ARHGEF12: variants seen among roughly 807,000 people sequenced by gnomAD.
The protein encoded by ARHGEF12 is Rho guanine nucleotide exchange factor 12.
Under a neutral mutation model 211.2 loss-of-function variants are expected in ARHGEF12, and 66 were observed. The ratio of observed to expected loss-of-function variants is 0.31; its 90% CI spans 0.26 to 0.38. The LOEUF (loss-of-function observed/expected upper bound fraction) is 0.38. ARHGEF12 is among the 10% of genes least tolerant of loss of function. The pLI, the probability that ARHGEF12 is intolerant of heterozygous loss-of-function variation, is 1.00. For synonymous variants in ARHGEF12, 592 were observed against 638.4 expected (o/e 0.93, Z 1.09); for missense variants, 1,429 against 1,869.5 (o/e 0.76, Z 4.34).
chr11:120,337,191 G>A lies in ARHGEF12; in HGVS notation c.-53G>A. 6.2e-7 allele frequency: 1 copy of A among 1,611,670 alleles called. No homozygotes were observed. Among genetic ancestry groups the A allele is most frequent in the Non-Finnish European group, 8.5e-7 (1 of 1,177,752 alleles). ...AGAGCACTGGGGGTGGGGAGGAGGT[G>A]TTACTGTAAAATGCAAGTTGGATAA... On this transcript the variant is annotated 5_prime_UTR_variant, in exon 1 of 41. Coordinates refer to ENST00000397843, the MANE Select transcript of ARHGEF12 (RefSeq NM_015313.3).
At chr11:120,413,144 T>G (rs1944936713) in intron 4 of ARHGEF12, among the ~76,000 whole-genome samples, 1 of 152,222 alleles carries the variant, frequency 6.6e-6, no homozygotes, top group Non-Finnish European at 1.5e-5. Context: ...TTGTTTCCAA[T>G]TTATTCTACT....
At chr11:120,391,828 G>A (rs1045577835) in intron 1 of ARHGEF12, among the ~76,000 whole-genome samples, 36 of 152,076 alleles carry the variant, frequency 2.4e-4, no homozygotes, top group African/African-American at 8.5e-4. Flanking sequence ...AAGATAATGT[G>A]AAATTCTTGC....
At chr11:120,394,744 A>G (rs1331805512) in intron 1 of ARHGEF12, among the ~76,000 whole-genome samples, 2 of 152,072 alleles carry the variant, frequency 1.3e-5, no homozygotes, top group African/African-American at 4.8e-5. Flanking sequence ...ACATCATTAC[A>G]GATTCTTCAG....
intron 39 of ARHGEF12, among the ~76,000 whole-genome samples, chr11:120,484,205 T>C (rs566809880): frequency 6.6e-6 from 1 of 152,358 alleles, no homozygotes; most frequent in African/African-American, 2.4e-5. Context: ...ACCTCTACTT[T>C]CTTTTTACAT....
At chr11:120,407,953 T>C (rs1327263866) in intron 3 of ARHGEF12, 130 bp downstream of exon 3, 3 of 712,420 alleles carry the variant, frequency 4.2e-6, no homozygotes, top group Non-Finnish European at 6.8e-6. Context: ...CCTCCAATTA[T>C]ATCATAATAA....
chr11:120,437,409 G>A (rs764421978), intron 12 of ARHGEF12, 27 bp downstream of exon 12: 2 of 1,576,644 alleles, frequency 1.3e-6, no homozygotes, highest in Admixed American at 3.4e-5. Context: ...TGCAATGATA[G>A]TGCTGTCTTT....
At chr11:120,464,619 A>C (rs940800167) in intron 27 of ARHGEF12, 1 of 152,032 alleles carries the variant, frequency 6.6e-6, no homozygotes, top group Non-Finnish European at 1.5e-5. Flanking sequence ...GTCTTCAGGC[A>C]TTTTGTATCT....
intron 1 of ARHGEF12, among the ~76,000 whole-genome samples, chr11:120,372,862 A>G (rs1056521424): frequency 6.6e-6 from 1 of 152,138 alleles, no homozygotes; most frequent in Non-Finnish European, 1.5e-5. Context: ...GAAGTTTTTA[A>G]AAATTATCAA....
In ARHGEF12 at chr11:120,478,148, T is replaced by C. The variant is rs763187347; in HGVS notation, c.3533-8T>C. On this transcript the variant is annotated splice_region_variant and splice_polypyrimidine_tract_variant and intron_variant, in intron 36 of 40. Coordinates refer to ENST00000397843, the MANE Select transcript of ARHGEF12 (RefSeq NM_015313.3). Reference sequence around the variant, plus strand: ...GATATAGTCTACCTTTTCTATTCCATTGGACAGACAGAGATTTGGGATTAG... The same window carrying C: ...GATATAGTCTACCTTTTCTATTCCACTGGACAGACAGAGATTTGGGATTAG... The C allele has an allele frequency of 3.8e-6, 6 of 1,594,744 alleles. No homozygotes were observed. Among genetic ancestry groups the C allele is most frequent in the East Asian group, 2.2e-5 (1 of 44,734 alleles).
intron 22 of ARHGEF12, among the ~76,000 whole-genome samples, chr11:120,452,634 T>C (rs1032525364): frequency 7.2e-5 from 11 of 152,146 alleles, no homozygotes; most frequent in African/African-American, 2.4e-4. Context: ...TGCTAGATGA[T>C]TGATATGAGG....
intron 11 of ARHGEF12, among the ~76,000 whole-genome samples, chr11:120,433,230 G>T (rs7131597): frequency 0.46 from 70,416 of 151,898 alleles, 17,285 homozygotes; most frequent in African/African-American, 0.63. Flanking sequence ...ACCAGTAATC[G>T]AAATATAAAC....
intron 4 of ARHGEF12, among the ~76,000 whole-genome samples, chr11:120,414,098 C>T (rs577124713): frequency 4.0e-5 from 6 of 151,706 alleles, no homozygotes; most frequent in Non-Finnish European, 7.4e-5. Context: ...ATTGTAATAA[C>T]AGAAAAAATA....
chr11:120,403,284 A>G (rs993365427), intron 1 of ARHGEF12, among the ~76,000 whole-genome samples: 7 of 152,206 alleles, frequency 4.6e-5, no homozygotes, highest in African/African-American at 1.7e-4. Context: ...AGGCAGGCTG[A>G]TCACTTGAGG....
intron 7 of ARHGEF12, among the ~76,000 whole-genome samples, chr11:120,427,774 A>G (rs1238647317): frequency 6.6e-6 from 1 of 152,116 alleles, no homozygotes; most frequent in Non-Finnish European, 1.5e-5. Flanking sequence ...AAGAAAATAT[A>G]TAATATATTC....
chr11:120,420,974 C>A, intron 5 of ARHGEF12, 123 bp downstream of exon 5: 1 of 780,320 alleles, frequency 1.3e-6, no homozygotes, highest in Non-Finnish European at 2.0e-6. Flanking sequence ...GACTATTGTG[C>A]TAGATTCGTC....
intron 2 of ARHGEF12, among the ~76,000 whole-genome samples, chr11:120,407,485 A>C (rs1392511831): frequency 6.6e-6 from 1 of 152,218 alleles, no homozygotes; most frequent in Admixed American, 6.5e-5. Flanking sequence ...AAATGTAAGC[A>C]GTTACTTCTG....
chr11:120,488,411 A>G lies in ARHGEF12; in HGVS notation c.*3334A>G, dbSNP rs921787692. Reference sequence around the variant, plus strand: ...CCTCACAGTCAGCTTCCTCATGGCTAGTTTTTCCCCCTTATATTACAATTT... The same window carrying G: ...CCTCACAGTCAGCTTCCTCATGGCTGGTTTTTCCCCCTTATATTACAATTT... On this transcript the variant is annotated 3_prime_UTR_variant, in exon 41 of 41. Coordinates refer to ENST00000397843, the MANE Select transcript of ARHGEF12 (RefSeq NM_015313.3). 8.8e-5 allele frequency: 19 copies of G among 216,074 alleles called. No individual in the cohort carries two copies. Among genetic ancestry groups the G allele is most frequent in the African/African-American group, 3.4e-4 (15 of 44,356 alleles). The allele number at this position is 216,074 out of a possible 1,614,324, so 13.4% of individuals were successfully genotyped here.
At chr11:120,387,913 G>A (rs1483271373) in intron 1 of ARHGEF12, among the ~76,000 whole-genome samples, 1 of 152,086 alleles carries the variant, frequency 6.6e-6, no homozygotes, top group Non-Finnish European at 1.5e-5. Context: ...TAGGCTTCTT[G>A]AGAGTTTTAA....
chr11:120,460,432 C>T (rs1373008234), intron 26 of ARHGEF12, among the ~76,000 whole-genome samples: 2 of 152,090 alleles, frequency 1.3e-5, no homozygotes, highest in African/African-American at 2.4e-5. Flanking sequence ...ATGCAACCAC[C>T]GTGTATGTAA....
Sources: gnomAD v4.1 joint callset for allele counts (sites outside exome capture counted in the v4.1 genomes callset) on GRCh38, gnomAD v4.1.1 for gene constraint, MANE v1.5 for transcripts, NCBI Gene and HGNC (gene_info 2026-07-23, HGNC 2026-07-21) for gene names.